The following TRIM67 variants were observed in gnomAD, a reference collection of about 807,000 sequenced individuals.
The protein encoded by TRIM67 is tripartite motif-containing protein 67.
In TRIM67, 39 loss-of-function variants were observed where a neutral mutation model predicts 71.0. The ratio of observed to expected loss-of-function variants is 0.55; its 90% confidence interval spans 0.43 to 0.72. The LOEUF (loss-of-function observed/expected upper bound fraction) is 0.72, where lower values mean the gene tolerates loss of function less well. Among genes scored for constraint, TRIM67 ranks in the 30% least tolerant of loss-of-function variants. The pLI is 0.00. For missense variants in TRIM67, 973 were observed against 1,079.2 expected, an observed-to-expected ratio of 0.90 and a Z score of 1.38; for synonymous variants, 481 against 473.9, an observed-to-expected ratio of 1.01 and a Z score of -0.19.
chr1:231,221,400 T>A lies in TRIM67; in HGVS notation c.*5960T>A, dbSNP rs1471561805. On this transcript the variant is annotated 3_prime_UTR_variant, in exon 10 of 10. Transcript: ENST00000366653. ...AGGAAAGCAACTTTTTTCTAATTTT[T>A]GTATTGGTATCCACAAGCGTTTGTA... is the stretch of plus-strand genomic sequence containing the variant. The A allele has an allele frequency of 6.6e-6, 1 of 152,606 alleles. No homozygotes were observed. Among genetic ancestry groups the A allele is most frequent in the Non-Finnish European group, 1.5e-5 (1 of 68,040 alleles). 9.5% of individuals were successfully genotyped at this position (152,606 alleles called of 1,614,324 possible).
Position 231,219,095 on chromosome 1 carries a change from G to A in TRIM67, c.*3655G>A, listed in dbSNP as rs777777385. On this transcript the variant is annotated 3_prime_UTR_variant, in exon 10 of 10. Coordinates refer to ENST00000366653, the MANE Select transcript of TRIM67 (RefSeq NM_001004342.5). ...TCCCATGGCCACCTGCTGGCTTTGAGGTAGTGAGGGAGGGTCAATCCTTAG... is the reference window on the plus strand; with the variant it reads ...TCCCATGGCCACCTGCTGGCTTTGAAGTAGTGAGGGAGGGTCAATCCTTAG... 9.1e-6 allele frequency: 9 copies of A among 985,430 alleles called. No homozygotes were observed. The highest frequency in any genetic ancestry group is 1.1e-5 in the Non-Finnish European group (9 of 830,032). 61.0% of individuals were successfully genotyped at this position (985,430 alleles called of 1,614,324 possible). A position where few individuals can be genotyped will look rare whatever the true frequency, so the allele number is the denominator to read the frequency against.
intron 8 of TRIM67, among the ~76,000 whole-genome samples, chr1:231,210,838 G>A (rs1192949683): frequency 6.6e-6 from 1 of 151,102 alleles, no homozygotes; most frequent in East Asian, 2.0e-4. Flanking sequence ...CCAGGTGTTT[G>A]AGACCAGCCT....
At chr1:231,185,340 A>C in intron 1 of TRIM67, 1 of 984,858 alleles carries the variant, frequency 1.0e-6, no homozygotes, top group East Asian at 2.6e-5. Context: ...CAGAAGGGAG[A>C]ATGGCTCTTG....
chr1:231,202,654 C>G lies in TRIM67; in HGVS notation c.1534+1137C>G, dbSNP rs557726221. Among the ~76,000 whole-genome samples the G allele has an allele frequency of 1.1e-3, 160 of 152,240 alleles. 1 individual carries two copies. The highest frequency in any genetic ancestry group is 3.8e-3 in the African/African-American group (157 of 41,530). On this transcript the variant is annotated intron_variant, in intron 5 of 9. Coordinates refer to ENST00000366653, the MANE Select transcript of TRIM67 (RefSeq NM_001004342.5). ...TGCAGAATCTGTGAACTCAGGAAGT[C>G]CTTACCTGCATAATTTGTGGCCATT...
At position 231,217,914 on chromosome 1, in the gene TRIM67, C is replaced by G. The variant is rs913536136; in HGVS notation, c.*2474C>G. The G allele has an allele frequency of 3.7e-5, 47 of 1,286,044 alleles. No homozygotes were observed. Among genetic ancestry groups the G allele is most frequent in the Middle Eastern group, 2.4e-4 (1 of 4,160 alleles). The allele number at this position is 1,286,044 out of a possible 1,614,324, so 79.7% of individuals were successfully genotyped here. ...TCCCTGAAGTCCAGAGAGGTGCAGC[C>G]AGGACTCCCTCCTCCCCACTGCCAC... On this transcript the variant is annotated 3_prime_UTR_variant, in exon 10 of 10. Transcript: ENST00000366653.
At chr1:231,188,276 G>C (rs992349823) in intron 1 of TRIM67, among the ~76,000 whole-genome samples, 1 of 152,178 alleles carries the variant, frequency 6.6e-6, no homozygotes, top group African/African-American at 2.4e-5. Flanking sequence ...ACAAAGCCCA[G>C]ACTGATGGCA....
At chr1:231,186,135 A>T (rs1275082060) in intron 1 of TRIM67, 3 of 1,532,452 alleles carry the variant, frequency 2.0e-6, no homozygotes, top group Non-Finnish European at 2.6e-6. Context: ...TGAATGGATG[A>T]AGGGCTTGAC....
At chr1:231,185,367 T>C in intron 1 of TRIM67, 1 of 827,054 alleles carries the variant, frequency 1.2e-6, no homozygotes, top group Non-Finnish European at 1.8e-6. Flanking sequence ...TCATCTGAAG[T>C]GGGGAAGAAT....
Position 231,185,510 on chromosome 1 carries a change from G to A in TRIM67, c.1045-11861G>A, listed in dbSNP as rs549442505. 7.9e-5 allele frequency among the ~76,000 whole-genome samples: 12 copies of A among 151,906 alleles called. No individual in the cohort carries two copies. In the South Asian group the frequency reaches 1.2e-3, roughly 16 times the overall value. On this transcript the variant is annotated intron_variant, in intron 1 of 9. Transcript: ENST00000366653. ...ACAGGCAGCGAGGGGAGGCCACATCGAGAGTGAGAAGTGGGATCCCTAGTA... is the reference window on the plus strand; with the variant it reads ...ACAGGCAGCGAGGGGAGGCCACATCAAGAGTGAGAAGTGGGATCCCTAGTA...
In TRIM67 at chr1:231,220,000, T is replaced by G. The variant is rs1684102637; in HGVS notation, c.*4560T>G. ...GGTATGAGTGGGGGCCAATCTCTTATCCTTTCTGTGCCTCAGTATCCCCAC... is the reference window on the plus strand; with the variant it reads ...GGTATGAGTGGGGGCCAATCTCTTAGCCTTTCTGTGCCTCAGTATCCCCAC... On this transcript the variant is annotated 3_prime_UTR_variant, in exon 10 of 10. Transcript: ENST00000366653. The G allele has an allele frequency of 3.9e-6, 5 of 1,270,934 alleles. No homozygotes were observed. The highest frequency in any genetic ancestry group is 3.1e-5 in the African/African-American group (2 of 65,448). The allele number at this position is 1,270,934 out of a possible 1,614,324, so 78.7% of individuals were successfully genotyped here.
At position 231,215,442 on chromosome 1, in the gene TRIM67, C is replaced by G; in HGVS notation, c.*2C>G. On this transcript the variant is annotated 3_prime_UTR_variant, in exon 10 of 10. Coordinates refer to ENST00000366653, the MANE Select transcript of TRIM67 (RefSeq NM_001004342.5). ...CGGCCAAAGCTGTCAGGCAATTAGC[C>G]CCGCTCCAGCTCGGCACTGTGCCTG... is the stretch of plus-strand genomic sequence containing the variant. 3.7e-6 allele frequency: 6 copies of G among 1,606,696 alleles called. No individual in the cohort carries two copies. Among genetic ancestry groups the G allele is most frequent in the Non-Finnish European group, 5.1e-6 (6 of 1,175,888 alleles).
At chr1:231,165,118 G>A (rs1571865155) in intron 1 of TRIM67, among the ~76,000 whole-genome samples, 1 of 152,136 alleles carries the variant, frequency 6.6e-6, no homozygotes, top group African/African-American at 2.4e-5. Flanking sequence ...CAATGTCTGG[G>A]GACATTTTTA....
In TRIM67 at chr1:231,217,986, G is replaced by A; in HGVS notation, c.*2546G>A. On this transcript the variant is annotated 3_prime_UTR_variant, in exon 10 of 10. Transcript: ENST00000366653. ...TCTCCCTTTTCTGACTCCTCCAGGA[G>A]CCCAGAAGCAATACGGCCGATGCCA... is the stretch of plus-strand genomic sequence containing the variant. 1.6e-6 allele frequency: 2 copies of A among 1,223,760 alleles called. No homozygotes were observed. Among genetic ancestry groups the A allele is most frequent in the African/African-American group, 1.6e-5 (1 of 63,924 alleles). 75.8% of individuals were successfully genotyped at this position (1,223,760 alleles called of 1,614,324 possible).
intron 1 of TRIM67, among the ~76,000 whole-genome samples, chr1:231,172,770 T>C (rs574914961): frequency 3.3e-5 from 5 of 152,376 alleles, no homozygotes; most frequent in African/African-American, 1.2e-4. Flanking sequence ...ATCCTTATAG[T>C]TTGATTCTGG....
At chr1:231,164,904 C>T (rs4658870) in intron 1 of TRIM67, among the ~76,000 whole-genome samples, 134,132 of 152,302 alleles carry the variant, frequency 0.88, 59,348 homozygotes, top group African/African-American at 0.97. Context: ...AATGAGCATA[C>T]GTTGTTATTA....
intron 1 of TRIM67, chr1:231,184,692 C>A: frequency 2.7e-6 from 1 of 377,088 alleles, no homozygotes; most frequent in South Asian, 3.3e-5. Flanking sequence ...AGGTCAACAG[C>A]AGAAAAACAA....
intron 1 of TRIM67, among the ~76,000 whole-genome samples, chr1:231,166,828 T>C (rs1682480754): frequency 6.6e-6 from 1 of 152,254 alleles, no homozygotes; most frequent in African/African-American, 2.4e-5. Context: ...CATTTCTGTA[T>C]GAATTTCTTG....
Position 231,209,638 on chromosome 1 carries a change from A to G in TRIM67, c.2123+388A>G, listed in dbSNP as rs1683813893. On this transcript the variant is annotated intron_variant, in intron 8 of 9. Transcript: ENST00000366653. This position sits in a 1 kb window ranked among gnomAD's most constrained non-coding sequence, Gnocchi z 4.1. ...GGGCACCACTGGGGCTGGTGTCCTC[A>G]CAGCTGTGACCAGGTCATTGCCACT... 6.6e-6 allele frequency among the ~76,000 whole-genome samples: 1 copy of G among 152,176 alleles called. No individual in the cohort carries two copies. The highest frequency in any genetic ancestry group is 2.4e-5 in the African/African-American group (1 of 41,424).
At position 231,209,752 on chromosome 1, in the gene TRIM67, A is replaced by C. The variant is rs1010501970; in HGVS notation, c.2123+502A>C. On this transcript the variant is annotated intron_variant, in intron 8 of 9. Coordinates refer to ENST00000366653, the MANE Select transcript of TRIM67 (RefSeq NM_001004342.5). The surrounding 1 kb of genome is among the most constrained non-coding windows in gnomAD (Gnocchi z 4.1). ...CGGGCCCTTGACAGGGCAGTAGCAG[A>C]GGGCATGGCTGGGGTGCTCACTACT... is the stretch of plus-strand genomic sequence containing the variant. Among the ~76,000 whole-genome samples, 3 of 152,212 alleles carry C rather than the reference A, an allele frequency of 2.0e-5. No homozygotes were observed. Among genetic ancestry groups the C allele is most frequent in the African/African-American group, 7.2e-5 (3 of 41,456 alleles).
Sources: allele counts gnomAD v4.1 joint callset (sites outside exome capture counted in the v4.1 genomes callset), GRCh38; gene constraint gnomAD v4.1.1; non-coding constraint Gnocchi (gnomAD v3.1); transcripts MANE v1.5; gene names NCBI Gene and HGNC (gene_info 2026-07-23, HGNC 2026-07-21).